KMT2C: variants seen among roughly 807,000 people sequenced by gnomAD.
The protein encoded by KMT2C is histone-lysine N-methyltransferase 2C.
Under a neutral mutation model 507.9 loss-of-function variants are expected in KMT2C, and 88 were observed. The observed-to-expected ratio is 0.17, with a 90% CI of 0.15 to 0.21. The LOEUF is 0.21. Among genes scored for constraint, KMT2C ranks in the 10% least tolerant of loss-of-function variants. The pLI is 1.00. For missense variants in KMT2C, 4,954 were observed against 5,957.8 expected, an observed-to-expected ratio of 0.83 and a Z score of 5.55; for synonymous variants, 2,049 against 2,080.8, an observed-to-expected ratio of 0.98 and a Z score of 0.42.
At chr7:152,420,640 T>C (rs1027236708) in intron 1 of KMT2C, among the ~76,000 whole-genome samples, 5 of 151,966 alleles carry the variant, frequency 3.3e-5, no homozygotes, top group Non-Finnish European at 7.4e-5. Context: ...ATCGAGACCA[T>C]TCTGGCCAAC....
intron 1 of KMT2C, among the ~76,000 whole-genome samples, chr7:152,434,323 G>A (rs1255978516): frequency 3.9e-5 from 6 of 152,144 alleles, no homozygotes; most frequent in Non-Finnish European, 7.3e-5. Context: ...AAATATGGAG[G>A]CAAGTTGAAG....
At chr7:152,425,854 A>G (rs1196094809) in intron 1 of KMT2C, among the ~76,000 whole-genome samples, 1 of 152,120 alleles carries the variant, frequency 6.6e-6, no homozygotes, top group Non-Finnish European at 1.5e-5. Context: ...AATAAGGTGT[A>G]AAGATTTAAA....
chr7:152,435,370 G>A (rs1240908263), intron 1 of KMT2C, among the ~76,000 whole-genome samples: 2 of 151,584 alleles, frequency 1.3e-5, no homozygotes, highest in East Asian at 1.9e-4. Flanking sequence ...GAAAAGGCCC[G>A]ACTGAAAAGT....
chr7:152,176,575 G>T lies in KMT2C; in HGVS notation c.8878C>A (p.Pro2960Thr), dbSNP rs537555731. ...HVSSLPPFIA[P>T]PGRVLDNAMN... Reference sequence around the variant, plus strand: ...GCATTATCCAAAACACGGCCAGGCGGTGCTATGAAAGGAGGCAAACTTGAC... The same window carrying T: ...GCATTATCCAAAACACGGCCAGGCGTTGCTATGAAAGGAGGCAAACTTGAC... The change falls in exon 38 of 59, where the codon CCG (proline) becomes ACG (threonine). Residue 2960 changes from proline to threonine, a missense_variant. This residue lies in a region of KMT2C where 1,689 missense variants were observed against 1,654.3 expected (regional missense o/e 1.02). Transcript: ENST00000262189. 6.2e-7 allele frequency: 1 copy of T among 1,614,182 alleles called. No individual in the cohort carries two copies. The highest frequency in any genetic ancestry group is 1.7e-5 in the Admixed American group (1 of 60,026).
rs1337241250 is a variant in KMT2C at position 152,135,126 on chromosome 7, T to C, written c.*1706A>G. ...AGGATATTGTACAAGAGAAGAAAAA[T>C]ATTCAGGAAACAAATTTCATACAGC... is the stretch of plus-strand genomic sequence containing the variant. On this transcript the variant is annotated 3_prime_UTR_variant, in exon 59 of 59. Transcript: ENST00000262189. 1 of 225,882 alleles carries C rather than the reference T, an allele frequency of 4.4e-6. No homozygotes were observed. The highest frequency in any genetic ancestry group is 8.8e-6 in the Non-Finnish European group (1 of 113,348). The allele number at this position is 225,882 out of a possible 1,614,324, so 14.0% of individuals were successfully genotyped here.
intron 11 of KMT2C, among the ~76,000 whole-genome samples, chr7:152,251,467 G>T (rs1289618360): frequency 2.6e-5 from 4 of 152,158 alleles, no homozygotes; most frequent in Non-Finnish European, 4.4e-5. Context: ...AATCTGGCGA[G>T]CAGTTCTATT....
At chr7:152,297,356 G>A (rs560513722) in intron 6 of KMT2C, among the ~76,000 whole-genome samples, 1 of 152,140 alleles carries the variant, frequency 6.6e-6, no homozygotes, top group Non-Finnish European at 1.5e-5. Context: ...ATGCTGAGAG[G>A]AGACAGTTGC....
rs2096873495 is a variant in KMT2C at position 152,330,595 on chromosome 7, T to C, written c.389+6A>G. On this transcript the variant is annotated splice_donor_region_variant and intron_variant, in intron 3 of 58. Transcript: ENST00000262189. ...ATATCCAATCCAGCTGCATTCATTC[T>C]CTAACCTGATTTTGGCTTCTACACC... 1.2e-6 allele frequency: 2 copies of C among 1,613,772 alleles called. No homozygotes were observed. The highest frequency in any genetic ancestry group is 1.7e-6 in the Non-Finnish European group (2 of 1,179,684).
chr7:152,395,571 C>A (rs2097533273), intron 1 of KMT2C, among the ~76,000 whole-genome samples: 1 of 151,958 alleles, frequency 6.6e-6, no homozygotes, highest in Non-Finnish European at 1.5e-5. Flanking sequence ...GCAGTGGCGC[C>A]ATCTTGGCTC....
At position 152,420,378 on chromosome 7, in the gene KMT2C, T is replaced by C. The variant is rs149232326; in HGVS notation, c.161+15248A>G. Among the ~76,000 whole-genome samples, 1,113 of 152,310 alleles carry C rather than the reference T, an allele frequency of 7.3e-3. 14 individuals are homozygous for C. The highest frequency in any genetic ancestry group is 0.021 in the African/African-American group (893 of 41,558). ...TGTCACCGTAACATATTCTGTATATTCTGATATACACATTAAAGGAGTTTA... is the reference window on the plus strand; with the variant it reads ...TGTCACCGTAACATATTCTGTATATCCTGATATACACATTAAAGGAGTTTA... On this transcript the variant is annotated intron_variant, in intron 1 of 58. Coordinates refer to ENST00000262189, the MANE Select transcript of KMT2C (RefSeq NM_170606.3).
At chr7:152,338,123 G>A (rs953824195) in intron 2 of KMT2C, among the ~76,000 whole-genome samples, 5 of 152,144 alleles carry the variant, frequency 3.3e-5, no homozygotes, top group Admixed American at 2.0e-4. Context: ...CTCCCAAAGT[G>A]CTGGGATTAC....
At chr7:152,145,103 A>C in intron 54 of KMT2C, 50 bp downstream of exon 54, 2 of 1,585,494 alleles carry the variant, frequency 1.3e-6, no homozygotes, top group South Asian at 2.3e-5. Flanking sequence ...GGAAACCACT[A>C]ATACGCCTAG....
chr7:152,378,227 T>C (rs2097343831), intron 1 of KMT2C, among the ~76,000 whole-genome samples: 1 of 152,212 alleles, frequency 6.6e-6, no homozygotes, highest in African/African-American at 2.4e-5. Flanking sequence ...GGGTAAAAAA[T>C]GCTATCAAAC....
intron 5 of KMT2C, among the ~76,000 whole-genome samples, chr7:152,310,502 T>A (rs1027348186): frequency 1.3e-5 from 2 of 152,004 alleles, no homozygotes; most frequent in African/African-American, 4.8e-5. Context: ...GGGACAGAGG[T>A]TGCAGTGAGC....
chr7:152,316,247 C>T (rs1288957622), intron 3 of KMT2C, among the ~76,000 whole-genome samples: 4 of 151,982 alleles, frequency 2.6e-5, no homozygotes, highest in African/African-American at 7.3e-5. Context: ...ATACTGAGCC[C>T]TAATGTAAAC....
chr7:152,232,001 T>C (rs1279307948), intron 16 of KMT2C, among the ~76,000 whole-genome samples: 1 of 152,088 alleles, frequency 6.6e-6, no homozygotes, highest in Non-Finnish European at 1.5e-5. Flanking sequence ...TGCCTCAGCC[T>C]CCCGAGTAGC....
At chr7:152,164,482 G>A (rs1390415626) in intron 42 of KMT2C, among the ~76,000 whole-genome samples, 7 of 151,686 alleles carry the variant, frequency 4.6e-5, no homozygotes, top group African/African-American at 1.7e-4. Context: ...GTAGAGACGG[G>A]GTTTCACCGT....
chr7:152,151,485 C>T lies in KMT2C; in HGVS notation c.12623G>A (p.Ser4208Asn). The change falls in exon 50 of 59, where the codon AGT (serine) becomes AAT (asparagine). Residue 4208 changes from serine to asparagine, a missense_variant. Ser to Asn is a conservative substitution (Grantham distance 46, BLOSUM62 1). Coordinates refer to ENST00000262189, the MANE Select transcript of KMT2C (RefSeq NM_170606.3). ...CCHCKVVILG[S>N]GVRKSFKDLT... ...ATCTTTGAAAGATTTCCGCACACCACTTCCAAGAATAACCACTTTACAATG... is the reference window on the plus strand; with the variant it reads ...ATCTTTGAAAGATTTCCGCACACCATTTCCAAGAATAACCACTTTACAATG... The T allele has an allele frequency of 6.2e-7, 1 of 1,614,180 alleles. No homozygotes were observed. The highest frequency in any genetic ancestry group is 1.1e-5 in the South Asian group (1 of 91,082).
At chr7:152,220,400 C>G in intron 23 of KMT2C, 123 bp downstream of exon 23, 4 of 764,298 alleles carry the variant, frequency 5.2e-6, no homozygotes, top group Non-Finnish European at 8.6e-6. Context: ...AAGGGTCAGT[C>G]ACATCAGGGG....
Sources: allele counts gnomAD v4.1 joint callset (sites outside exome capture counted in the v4.1 genomes callset), GRCh38; gene constraint gnomAD v4.1.1; regional missense constraint gnomAD v4.1.1; transcripts MANE v1.5; gene names NCBI Gene and HGNC (gene_info 2026-07-23, HGNC 2026-07-21).